Variants in OR2L13 observed in about 807,000 individuals in gnomAD.
OR2L13 encodes the protein olfactory receptor family 2 subfamily L member 13.
Under a neutral mutation model 15.3 loss-of-function variants are expected in OR2L13, and 14 were observed. That is an observed-to-expected ratio of 0.91 (90% CI 0.60 to 1.43). The LOEUF is 1.43. Among genes scored for constraint, OR2L13 ranks in the 40% most tolerant of loss-of-function variants. OR2L13 has a pLI of 0.00. For synonymous variants in OR2L13, 152 were observed against 142.9 expected (o/e 1.06, Z -0.45); for missense variants, 367 against 387.9 (o/e 0.95, Z 0.45).
chr1:248,098,954 C>A (rs1664790105), intron 2 of OR2L13, among the ~76,000 whole-genome samples, 179 bp downstream of exon 2: 1 of 152,156 alleles, frequency 6.6e-6, no homozygotes, highest in Non-Finnish European at 1.5e-5. Context: ...GACAAACTTT[C>A]CAGGGAGGGA....
chr1:247,967,079 C>T, the OR2L13 span, among the ~76,000 whole-genome samples: 4 of 75,240 alleles, frequency 5.3e-5, no homozygotes, highest in East Asian at 3.2e-4. Context: ...GGTGCACACC[C>T]GGGGCCACCC....
chr1:248,089,121 C>T, the OR2L13 span, among the ~76,000 whole-genome samples: 2 of 152,086 alleles, frequency 1.3e-5, no homozygotes, highest in Non-Finnish European at 2.9e-5. Context: ...CTTGGAGGAT[C>T]TCACAACTAC....
At chr1:247,987,766 C>G in the OR2L13 span, among the ~76,000 whole-genome samples, 1 of 152,032 alleles carries the variant, frequency 6.6e-6, no homozygotes, top group Non-Finnish European at 1.5e-5. Context: ...CACTAGTTAC[C>G]TGCTCCCCCC....
At chr1:248,023,049 C>A in the OR2L13 span, 3 of 616,050 alleles carry the variant, frequency 4.9e-6, no homozygotes, top group Admixed American at 3.6e-5. Context: ...TATTCTAAGA[C>A]ATCTATTTTG....
At chr1:248,022,396 T>C in the OR2L13 span, 6 of 1,614,190 alleles carry the variant, frequency 3.7e-6, no homozygotes, top group African/African-American at 6.7e-5. Context: ...TCTTGGATGA[T>C]AGGCTCCATC....
chr1:248,052,845 G>T, the OR2L13 span, among the ~76,000 whole-genome samples: 1 of 151,540 alleles, frequency 6.6e-6, no homozygotes, highest in African/African-American at 2.4e-5. Context: ...TTTAGAATGG[G>T]CTTTTCTGTT....
chr1:248,067,371 A>AT, the OR2L13 span, among the ~76,000 whole-genome samples: 1 of 152,194 alleles, frequency 6.6e-6, no homozygotes, highest in African/African-American at 2.4e-5. Flanking sequence ...GCTGAGTTTA[A>AT]TTGTTCCTAG....
chr1:248,003,611 T>A, the OR2L13 span: 6 of 1,611,420 alleles, frequency 3.7e-6, no homozygotes, highest in African/African-American at 8.0e-5. Flanking sequence ...TCACACTGTA[T>A]ATATACTCCA....
At chr1:247,950,014 A>G in the OR2L13 span, among the ~76,000 whole-genome samples, 2 of 140,296 alleles carry the variant, frequency 1.4e-5, no homozygotes, top group Non-Finnish European at 3.0e-5. Context: ...GAAAGTACAT[A>G]TTTTTGCTAA....
the OR2L13 span, among the ~76,000 whole-genome samples, chr1:248,060,031 C>T: frequency 6.9e-6 from 1 of 145,242 alleles, no homozygotes; most frequent in Non-Finnish European, 1.5e-5. Flanking sequence ...AGAGAGAGAC[C>T]CTGTCACTCA....
the OR2L13 span, among the ~76,000 whole-genome samples, chr1:248,028,535 G>C: frequency 2.3e-3 from 343 of 152,266 alleles, 2 homozygotes; most frequent in African/African-American, 8.1e-3. Flanking sequence ...ACTGAATACA[G>C]ACATGGAAAA....
the OR2L13 span, chr1:247,966,409 A>G: frequency 2.8e-6 from 4 of 1,427,444 alleles, no homozygotes; most frequent in Middle Eastern, 3.7e-4. Context: ...TGTTTTCTGT[A>G]TAGAAGTCAC....
chr1:248,059,898 G>A, the OR2L13 span, among the ~76,000 whole-genome samples: 1 of 152,058 alleles, frequency 6.6e-6, no homozygotes, highest in African/African-American at 2.4e-5. Context: ...AAGTTAACTA[G>A]GTATGGTGGC....
the OR2L13 span, among the ~76,000 whole-genome samples, chr1:248,058,241 A>C: frequency 2.6e-5 from 4 of 152,328 alleles, no homozygotes; most frequent in Admixed American, 2.6e-4. Flanking sequence ...ACTTCAAATT[A>C]TCTTTTCAGT....
Position 248,099,209 on chromosome 1 carries a change from A to T in OR2L13, c.-18-149A>T, listed in dbSNP as rs575631760. 1,062 of 604,798 alleles carry T rather than the reference A, an allele frequency of 1.8e-3. 3 individuals are homozygous for T. The highest frequency in any genetic ancestry group is 1.5e-3 in the Non-Finnish European group (521 of 341,196). 37.5% of individuals were successfully genotyped at this position (604,798 alleles called of 1,614,324 possible). ...TCTCTAATCTCCATATGCTTCAGAT[A>T]TAGAAATTGATTAAAAAAAACCTGC... On this transcript the variant is annotated intron_variant, in intron 2 of 2. Transcript: ENST00000641714.
chr1:248,096,508 C>T (rs79731856), upstream of OR2L13, among the ~76,000 whole-genome samples: 8,782 of 152,196 alleles, frequency 0.058, 855 homozygotes, highest in African/African-American at 0.2. Flanking sequence ...TTTCTCAGGG[C>T]GTGAGGGCTC....
At chr1:247,945,425 A>T in the OR2L13 span, among the ~76,000 whole-genome samples, 1 of 152,142 alleles carries the variant, frequency 6.6e-6, no homozygotes, top group African/African-American at 2.4e-5. Context: ...TTTACTTCCA[A>T]TTATGTGGTC....
chr1:248,015,611 C>T, the OR2L13 span, among the ~76,000 whole-genome samples: 2 of 152,098 alleles, frequency 1.3e-5, no homozygotes, highest in African/African-American at 4.8e-5. Flanking sequence ...AGTTTCAGAA[C>T]TTTAGGATAT....
chr1:247,945,905 T>C, the OR2L13 span, among the ~76,000 whole-genome samples: 1 of 152,166 alleles, frequency 6.6e-6, no homozygotes, highest in East Asian at 1.9e-4. Flanking sequence ...ACATGAGATG[T>C]GTCTCTCGAA....
Sources: gnomAD v4.1 joint callset for allele counts (sites outside exome capture counted in the v4.1 genomes callset) on GRCh38, gnomAD v4.1.1 for gene constraint, MANE v1.5 for transcripts, NCBI Gene and HGNC (gene_info 2026-07-23, HGNC 2026-07-21) for gene names.